SYTL3: variants seen among roughly 807,000 people sequenced by gnomAD.
SYTL3 encodes the protein synaptotagmin-like protein 3.
A neutral mutation model predicts 82.1 loss-of-function variants in SYTL3; 88 were observed. That is an observed-to-expected ratio of 1.07 (90% CI 0.90 to 1.28). The LOEUF is 1.28. Among genes scored for constraint, SYTL3 ranks in the 50% most tolerant of loss-of-function variants. The pLI is 0.00. For synonymous variants in SYTL3, 311 were observed against 289.4 expected, an observed-to-expected ratio of 1.07 and a Z score of -0.76; for missense variants, 831 against 757.6, an observed-to-expected ratio of 1.10 and a Z score of -1.14.
At chr6:158,658,393 G>A (rs949832472) in intron 2 of SYTL3, among the ~76,000 whole-genome samples, 13 of 152,202 alleles carry the variant, frequency 8.5e-5, no homozygotes, top group African/African-American at 3.1e-4. Flanking sequence ...GTATGGTACT[G>A]CACTCATTGA....
At chr6:158,722,820 C>G (rs1042009445) in intron 10 of SYTL3, among the ~76,000 whole-genome samples, 1 of 136,782 alleles carries the variant, frequency 7.3e-6, no homozygotes, top group Non-Finnish European at 1.5e-5. Flanking sequence ...ACCCAGACAG[C>G]GAGCGAACAG....
rs763828090 is a variant in SYTL3, at chr6:158,760,751, T to C, written c.1414+6T>C. 3.7e-6 allele frequency: 6 copies of C among 1,606,252 alleles called. No individual in the cohort carries two copies. In the South Asian group the frequency reaches 4.4e-5, roughly 12 times the overall value. ...ACTCCAAGAGGCTCAAGAAGGTCAG[T>C]GGCCTCCAGCTCCCTGGACATTGTC... On this transcript the variant is annotated splice_donor_region_variant and intron_variant, in intron 15 of 17. Coordinates refer to ENST00000611299, the MANE Select transcript of SYTL3 (RefSeq NM_001242394.2).
chr6:158,728,350 G>C (rs200656465), intron 11 of SYTL3, among the ~76,000 whole-genome samples: 1 of 146,986 alleles, frequency 6.8e-6, no homozygotes, highest in African/African-American at 2.5e-5. Context: ...AAAAAAAAAA[G>C]AAAAAAAAAG....
chr6:158,665,332 G>C (rs1388399286), intron 4 of SYTL3, 63 bp from the exon 5 acceptor site: 3 of 1,489,592 alleles, frequency 2.0e-6, no homozygotes, highest in Non-Finnish European at 2.7e-6. Context: ...CTGGGCTCTT[G>C]CCCTATAGCC....
intron 11 of SYTL3, among the ~76,000 whole-genome samples, chr6:158,732,026 A>G (rs921777263): frequency 6.6e-6 from 1 of 152,214 alleles, no homozygotes; most frequent in African/African-American, 2.4e-5. Flanking sequence ...ACTTCCTCAA[A>G]TTAGGAAGAC....
At chr6:158,708,464 G>A (rs1782369219) in intron 8 of SYTL3, 73 bp downstream of exon 8, 6 of 1,439,034 alleles carry the variant, frequency 4.2e-6, no homozygotes, top group African/African-American at 2.8e-5. Context: ...GGGAGCTTTC[G>A]AGGCTGAGGC....
chr6:158,725,809 A>G (rs1313960656), intron 11 of SYTL3, 172 bp downstream of exon 11: 2 of 939,930 alleles, frequency 2.1e-6, no homozygotes, highest in Non-Finnish European at 3.3e-6. Flanking sequence ...CACAGGTTTT[A>G]GTAAAGTTGC....
intron 11 of SYTL3, among the ~76,000 whole-genome samples, chr6:158,737,005 T>A (rs1447794442): frequency 6.6e-6 from 1 of 150,412 alleles, no homozygotes; most frequent in African/African-American, 2.5e-5. Context: ...TAATCCTATA[T>A]GTTATATGTA....
intron 8 of SYTL3, among the ~76,000 whole-genome samples, chr6:158,709,869 T>C (rs1487636611): frequency 6.6e-6 from 1 of 152,086 alleles, no homozygotes; most frequent in Non-Finnish European, 1.5e-5. Context: ...AGACCCTATC[T>C]ACAAAAAATA....
At chr6:158,726,053 C>G in intron 11 of SYTL3, 2 of 555,002 alleles carry the variant, frequency 3.6e-6, no homozygotes, top group Non-Finnish European at 6.9e-6. Flanking sequence ...GTGTTAAAAT[C>G]TTACAGGATC....
intron 2 of SYTL3, among the ~76,000 whole-genome samples, chr6:158,655,951 C>T (rs1358868606): frequency 1.3e-5 from 2 of 152,086 alleles, no homozygotes; most frequent in Non-Finnish European, 2.9e-5. Flanking sequence ...AAATGCAGAG[C>T]GCATGTGGTC....
At chr6:158,683,719 C>T (rs931481715) in intron 6 of SYTL3, among the ~76,000 whole-genome samples, 1 of 152,194 alleles carries the variant, frequency 6.6e-6, no homozygotes, top group Non-Finnish European at 1.5e-5. Flanking sequence ...ATTTTAAAAT[C>T]TTGTTAGCCC....
At chr6:158,679,553 T>TA (rs1026503742) in intron 5 of SYTL3, among the ~76,000 whole-genome samples, 5 of 149,508 alleles carry the variant, frequency 3.3e-5, no homozygotes, top group Non-Finnish European at 5.9e-5. Flanking sequence ...GGTTTAGGGA[T>TA]AAAAATACTG....
chr6:158,656,141 C>G (rs1788645289), intron 2 of SYTL3, among the ~76,000 whole-genome samples: 1 of 152,112 alleles, frequency 6.6e-6, no homozygotes, highest in Non-Finnish European at 1.5e-5. Flanking sequence ...TGACACATTC[C>G]CACCTCAGTA....
At chr6:158,725,127 T>C (rs1270077092) in intron 10 of SYTL3, among the ~76,000 whole-genome samples, 1 of 152,250 alleles carries the variant, frequency 6.6e-6, no homozygotes, top group African/African-American at 2.4e-5. Context: ...ATCTTAGAGC[T>C]AAAACTCTGC....
intron 11 of SYTL3, among the ~76,000 whole-genome samples, 171 bp from the exon 12 acceptor site, chr6:158,745,307 GAT>G (rs1787481618): frequency 8.7e-6 from 1 of 114,290 alleles, no homozygotes; most frequent in Non-Finnish European, 1.8e-5. Flanking sequence ...GTCTCCTTGA[GAT>G]AGAACATGTG....
chr6:158,665,926 G>A (rs529434911), intron 5 of SYTL3, among the ~76,000 whole-genome samples: 2 of 151,900 alleles, frequency 1.3e-5, no homozygotes, highest in African/African-American at 4.8e-5. Context: ...CCTGGGCAAC[G>A]TAGTGAGACC....
intron 11 of SYTL3, among the ~76,000 whole-genome samples, chr6:158,745,150 T>A (rs1298400265): frequency 6.6e-6 from 1 of 151,870 alleles, no homozygotes; most frequent in Non-Finnish European, 1.5e-5. Context: ...GGATATTATC[T>A]TGGCCTCCTG....
intron 10 of SYTL3, among the ~76,000 whole-genome samples, chr6:158,720,808 A>C (rs1487657547): frequency 1.3e-5 from 2 of 152,188 alleles, no homozygotes; most frequent in Admixed American, 1.3e-4. Flanking sequence ...ACCAAGAGCT[A>C]GGTGAAGCCT....
Sources: allele counts gnomAD v4.1 joint callset (sites outside exome capture counted in the v4.1 genomes callset), GRCh38; gene constraint gnomAD v4.1.1; transcripts MANE v1.5; gene names NCBI Gene and HGNC (gene_info 2026-07-23, HGNC 2026-07-21).